POLR2C: variants seen among roughly 807,000 people sequenced by gnomAD.
POLR2C encodes DNA-directed RNA polymerase II subunit RPB3.
A neutral mutation model predicts 41.7 loss-of-function variants in POLR2C; 36 were observed. That is an observed-to-expected ratio of 0.86 (90% confidence interval 0.66 to 1.14). The LOEUF is 1.14. Ranked by LOEUF, POLR2C falls within the 50% of genes most tolerant of loss-of-function variation. The pLI, the probability that POLR2C is intolerant of heterozygous loss-of-function variation, is 0.00. For missense variants in POLR2C, 260 were observed against 350.4 expected, an observed-to-expected ratio of 0.74 and a Z score of 2.06; for synonymous variants, 133 against 137.8, an observed-to-expected ratio of 0.96 and a Z score of 0.25.
chr16:57,471,172 T>TG lies in POLR2C; in HGVS notation c.*58dup. 1.3e-6 allele frequency: 2 copies of TG among 1,510,124 alleles called. No homozygotes were observed. The highest frequency in any genetic ancestry group is 2.3e-5 in the East Asian group (1 of 44,368). 93.5% of individuals were successfully genotyped at this position (1,510,124 alleles called of 1,614,324 possible). On this transcript the variant is annotated 3_prime_UTR_variant, in exon 9 of 9. Coordinates refer to ENST00000219252, the MANE Select transcript of POLR2C (RefSeq NM_032940.3). ...GGAGATTCAGGCCAGCAGCTGGATA[T>TG]GGGGGTCTCTCTTCAGACTCTTCTC...
At position 57,471,092 on chromosome 16, in the gene POLR2C, C is replaced by G; in HGVS notation, c.801C>G (p.Ile267Met). The part of the protein sequence containing the change: ...SDLQTQLSHE[I>M]QSDVLTIN The stretch of plus-strand genomic sequence containing the variant: ...TACAAACTCAATTAAGCCACGAGAT[C>G]CAGAGTGATGTGCTAACCATAAATT... Residue 267 changes from isoleucine (I) to methionine (M), a missense_variant, in exon 9 of 9, where the codon ATC becomes ATG. Coordinates refer to ENST00000219252, the MANE Select transcript of POLR2C (RefSeq NM_032940.3). 1 of 1,613,896 alleles carries G rather than the reference C, an allele frequency of 6.2e-7. No homozygotes were observed. The highest frequency in any genetic ancestry group is 8.5e-7 in the Non-Finnish European group (1 of 1,179,792).
At chr16:57,470,378 AAGGTGAAG>A in intron 8 of POLR2C, 24 bp downstream of exon 8, 1 of 1,561,004 alleles carries the variant, frequency 6.4e-7, no homozygotes, top group African/African-American at 1.4e-5. Flanking sequence ...TGGACATGGG[AAGGTGAAG>A]TGTGGAAGAA....
rs2030774690 is a variant in POLR2C at position 57,469,332 on chromosome 16, T to C, written c.387+39T>C. 6.2e-7 allele frequency: 1 copy of C among 1,610,638 alleles called. No homozygotes were observed. Among genetic ancestry groups the C allele is most frequent in the Non-Finnish European group, 8.5e-7 (1 of 1,178,170 alleles). The stretch of plus-strand genomic sequence containing the variant: ...AGCATCCTCTTTTCCCTGGGATCTT[T>C]TCTCTTCTCTGGCTGGCTCCAAGTG... On this transcript the variant is annotated intron_variant, in intron 5 of 8. Transcript: ENST00000219252. The surrounding 1 kb of genome is among the most constrained non-coding windows in gnomAD (Gnocchi z 5.8).
intron 4 of POLR2C, among the ~76,000 whole-genome samples, chr16:57,468,157 G>C (rs1027560999): frequency 6.6e-6 from 1 of 152,062 alleles, no homozygotes; most frequent in African/African-American, 2.4e-5. Context: ...TACAGGTGCT[G>C]TGCACCACCA....
Position 57,462,759 on chromosome 16 carries a change from C to T in POLR2C, c.35C>T (p.Thr12Met), listed in dbSNP as rs754975871. The change falls in exon 1 of 9, where the codon ACG (threonine) becomes ATG (methionine). Residue 12 changes from threonine to methionine, a missense_variant. By Grantham distance (81) the Thr-to-Met change is moderately conservative (BLOSUM62 -1). Coordinates refer to ENST00000219252, the MANE Select transcript of POLR2C (RefSeq NM_032940.3). ...PYANQPTVRI[T>M]ELTDENVKFI... is the part of the protein sequence containing the mutation. ...GCCAACCAGCCTACCGTGCGGATCACGGAGCTCACTGACGAGAATGTCAAG... is the reference window on the plus strand; with the variant it reads ...GCCAACCAGCCTACCGTGCGGATCATGGAGCTCACTGACGAGAATGTCAAG... 2.1e-5 allele frequency: 33 copies of T among 1,608,298 alleles called. No homozygotes were observed. The Admixed American group carries it at 2.9e-4, about 14-fold the overall frequency.
rs1205174961 is a variant in POLR2C, at chr16:57,471,206, G to T, written c.*87G>T. 6 of 1,167,974 alleles carry T rather than the reference G, an allele frequency of 5.1e-6. No individual in the cohort carries two copies. The highest frequency in any genetic ancestry group is 7.6e-6 in the Non-Finnish European group (6 of 794,004). 72.4% of individuals were successfully genotyped at this position (1,167,974 alleles called of 1,614,324 possible). A position where few individuals can be genotyped will look rare whatever the true frequency, so the allele number is the denominator to read the frequency against. On this transcript the variant is annotated 3_prime_UTR_variant, in exon 9 of 9. Transcript: ENST00000219252. ...CTCTTCAGACTCTTCTCGTTTCTGA[G>T]AATCTAGTCTACTGTTGGTTGAGCT...
intron 4 of POLR2C, among the ~76,000 whole-genome samples, chr16:57,466,810 G>T (rs56281420): frequency 0.033 from 4,951 of 152,278 alleles, 112 homozygotes; most frequent in Non-Finnish European, 0.047. Context: ...TTACACAGCA[G>T]CTTAAGGCTA....
intron 2 of POLR2C, 175 bp from the exon 3 acceptor site, chr16:57,465,775 TGTG>T: frequency 1.7e-6 from 1 of 586,976 alleles, no homozygotes; most frequent in South Asian, 2.1e-5. Context: ...GGAGGTGAGG[TGTG>T]GTGTGTGTGG....
chr16:57,469,291 C>G lies in POLR2C; in HGVS notation c.385C>G (p.Pro129Ala). The G allele has an allele frequency of 6.2e-7, 1 of 1,614,190 alleles. No individual in the cohort carries two copies. Among genetic ancestry groups the G allele is most frequent in the Non-Finnish European group, 8.5e-7 (1 of 1,180,004 alleles). The change falls in exon 5 of 9, where the codon CCG (proline) becomes GCG (alanine). Residue 129 changes from proline to alanine, a missense_variant and splice_region_variant. By Grantham distance (27) the Pro-to-Ala change is conservative. Transcript: ENST00000219252. This position sits in a 1 kb window ranked among gnomAD's most constrained non-coding sequence, Gnocchi z 5.8. ...CATCTCCAACAGCCCCCGGGTCATTCCGGTCAGTGCGGGAGAGCATCCTCT... is the reference window on the plus strand; with the variant it reads ...CATCTCCAACAGCCCCCGGGTCATTGCGGTCAGTGCGGGAGAGCATCCTCT... ...DLISNSPRVI[P>A]VTSRNRDNDP...
Position 57,470,137 on chromosome 16 carries a change from C to G in POLR2C, c.608+8C>G, listed in dbSNP as rs769053756. 3.1e-6 allele frequency: 5 copies of G among 1,610,078 alleles called. No homozygotes were observed. The highest frequency in any genetic ancestry group is 4.2e-6 in the Non-Finnish European group (5 of 1,178,870). On this transcript the variant is annotated splice_region_variant and intron_variant, in intron 7 of 8. Coordinates refer to ENST00000219252, the MANE Select transcript of POLR2C (RefSeq NM_032940.3). The stretch of plus-strand genomic sequence containing the variant: ...CCCCAAGCCCGAGGAATGGTATGTT[C>G]CCCTTAGGAGTGATGGCAGGCATTT...
At chr16:57,470,717 G>A (rs972094656) in intron 8 of POLR2C, among the ~76,000 whole-genome samples, 2 of 152,218 alleles carry the variant, frequency 1.3e-5, no homozygotes, top group African/African-American at 4.8e-5. Context: ...TCTCTCCTCA[G>A]GGGGCATGCA....
In POLR2C at chr16:57,463,618, C is replaced by T. The variant is rs1354526279; in HGVS notation, c.136+540C>T. 15 of 453,796 alleles carry T rather than the reference C, an allele frequency of 3.3e-5. No homozygotes were observed. In the Admixed American group the frequency reaches 3.5e-4, roughly 11 times the overall value. 28.1% of individuals were successfully genotyped at this position (453,796 alleles called of 1,614,324 possible). On this transcript the variant is annotated intron_variant, in intron 2 of 8. Coordinates refer to ENST00000219252, the MANE Select transcript of POLR2C (RefSeq NM_032940.3). Reference sequence around the variant, plus strand: ...TGCGTACCCAGTTTTAGCTCCCATGCGGTGTTTGGTTTTCTGTTCCTGTGT... The same window carrying T: ...TGCGTACCCAGTTTTAGCTCCCATGTGGTGTTTGGTTTTCTGTTCCTGTGT...
Position 57,469,784 on chromosome 16 carries a change from C to G in POLR2C, c.439+23C>G, listed in dbSNP as rs773144535. 1.2e-6 allele frequency: 2 copies of G among 1,608,208 alleles called. No homozygotes were observed. The highest frequency in any genetic ancestry group is 1.7e-6 in the Non-Finnish European group (2 of 1,176,080). On this transcript the variant is annotated intron_variant, in intron 6 of 8. Transcript: ENST00000219252. The surrounding 1 kb of genome is among the most constrained non-coding windows in gnomAD (Gnocchi z 5.8). Reference sequence around the variant, plus strand: ...ATGGTAAGTCTTCCTGACCTGTCACCGTGTGGGCCAGCGGGAAGGAGGGAC... The same window carrying G: ...ATGGTAAGTCTTCCTGACCTGTCACGGTGTGGGCCAGCGGGAAGGAGGGAC...
At position 57,470,115 on chromosome 16, in the gene POLR2C, C is replaced by T. The variant is rs770233003; in HGVS notation, c.594C>T (p.Pro198=). Residue 198 remains proline (P), a synonymous_variant, in exon 7 of 9, where the codon CCC becomes CCT. Coordinates refer to ENST00000219252, the MANE Select transcript of POLR2C (RefSeq NM_032940.3). ...PDNALRHTVY[P]KPEEWPKSEY... is the part of the protein sequence containing the mutation. ...ATGCCCTGAGGCACACAGTGTACCC[C>T]AAGCCCGAGGAATGGTATGTTCCCC... 3 of 1,613,768 alleles carry T rather than the reference C, an allele frequency of 1.9e-6. No individual in the cohort carries two copies. The highest frequency in any genetic ancestry group is 2.2e-5 in the South Asian group (2 of 91,032).
Position 57,469,992 on chromosome 16 carries a change from G to A in POLR2C, c.471G>A (p.Gln157=). 1 of 1,614,134 alleles carries A rather than the reference G, an allele frequency of 6.2e-7. No homozygotes were observed. Among genetic ancestry groups the A allele is most frequent in the South Asian group, 1.1e-5 (1 of 91,080 alleles). Reference sequence around the variant, plus strand: ...TCATCGTCAAGTTGAGAAAGGGCCAGGAGCTGAGACTTCGAGCCTATGCCA... The same window carrying A: ...TCATCGTCAAGTTGAGAAAGGGCCAAGAGCTGAGACTTCGAGCCTATGCCA... ...DILIVKLRKG[Q]ELRLRAYAKK... is the part of the protein sequence containing the mutation. Residue 157 remains glutamine (Q), a synonymous_variant, in exon 7 of 9, where the codon CAG becomes CAA. Coordinates refer to ENST00000219252, the MANE Select transcript of POLR2C (RefSeq NM_032940.3). This position sits in a 1 kb window ranked among gnomAD's most constrained non-coding sequence, Gnocchi z 5.8.
chr16:57,468,278 A>G (rs1230523088), intron 4 of POLR2C, among the ~76,000 whole-genome samples: 1 of 152,126 alleles, frequency 6.6e-6, no homozygotes, highest in African/African-American at 2.4e-5. Context: ...CAGCCTCCCA[A>G]AGTGCTGGGA....
In POLR2C at chr16:57,470,427, G is replaced by A. The variant is rs1817987420; in HGVS notation, c.683+73G>A. 3 of 1,087,956 alleles carry A rather than the reference G, an allele frequency of 2.8e-6. No individual in the cohort carries two copies. In the African/African-American group the frequency reaches 4.7e-5, roughly 17 times the overall value. 67.4% of individuals were successfully genotyped at this position (1,087,956 alleles called of 1,614,324 possible). On this transcript the variant is annotated intron_variant, in intron 8 of 8. Transcript: ENST00000219252. ...GGTTTTGGTTCAGGCCGTGAGTTAG[G>A]CATTCCCTCTCCCCCACCTCGCAGT...
intron 2 of POLR2C, among the ~76,000 whole-genome samples, chr16:57,464,644 T>G (rs1254168973): frequency 6.6e-6 from 1 of 151,610 alleles, no homozygotes; most frequent in Non-Finnish European, 1.5e-5. Flanking sequence ...TTGTAGTTTA[T>G]CCACTACCAC....
intron 1 of POLR2C, 96 bp downstream of exon 1, chr16:57,462,906 TG>T: frequency 1.8e-6 from 1 of 553,870 alleles, no homozygotes; most frequent in South Asian, 1.6e-5. Flanking sequence ...TGGGGTGGGG[TG>T]GGGGCGATGT....
Sources: gnomAD v4.1 joint callset for allele counts (sites outside exome capture counted in the v4.1 genomes callset) on GRCh38, gnomAD v4.1.1 for gene constraint, Gnocchi (gnomAD v3.1) non-coding constraint, MANE v1.5 for transcripts, NCBI Gene and HGNC (gene_info 2026-07-23, HGNC 2026-07-21) for gene names.